Variants in LINGO2 observed in about 807,000 individuals in gnomAD.
The protein encoded by LINGO2 is leucine rich repeat and Ig domain containing 2.
A neutral mutation model predicts 30.6 loss-of-function variants in LINGO2; 14 were observed. The observed-to-expected ratio is 0.46, with a 90% CI of 0.30 to 0.72. The LOEUF is 0.72. Among genes scored for constraint, LINGO2 ranks in the 30% least tolerant of loss-of-function variants. The pLI is 0.07. For synonymous variants in LINGO2, 317 were observed against 288.5 expected (o/e 1.10, Z -1.00); for missense variants, 729 against 751.7 (o/e 0.97, Z 0.35).
chr9:28,370,347 T>C (rs1820845089), intron 3 of LINGO2, among the ~76,000 whole-genome samples: 1 of 152,146 alleles, frequency 6.6e-6, no homozygotes, highest in African/African-American at 2.4e-5. Flanking sequence ...TTCCAAAATA[T>C]ACACGCATGC....
chr9:28,088,655 C>A (rs1453387738), intron 4 of LINGO2, among the ~76,000 whole-genome samples: 1 of 152,072 alleles, frequency 6.6e-6, no homozygotes, highest in Non-Finnish European at 1.5e-5. Flanking sequence ...ACTGTATCAA[C>A]TAAAGAGCAA....
chr9:28,195,034 G>GATT (rs1819959669), intron 4 of LINGO2, among the ~76,000 whole-genome samples: 1 of 151,800 alleles, frequency 6.6e-6, no homozygotes, highest in South Asian at 2.1e-4. Flanking sequence ...AAACAAAAAG[G>GATT]ATTAGTAATA....
chr9:28,594,118 C>T (rs1431951738), intron 1 of LINGO2, among the ~76,000 whole-genome samples: 4 of 151,824 alleles, frequency 2.6e-5, no homozygotes, highest in Non-Finnish European at 5.9e-5. Flanking sequence ...AGTGAAATGG[C>T]GTTCGTGGGT....
the LINGO2 span, among the ~76,000 whole-genome samples, chr9:28,862,892 G>A: frequency 1.3e-5 from 2 of 152,030 alleles, no homozygotes; most frequent in African/African-American, 4.8e-5. Context: ...TCCATTCTTG[G>A]TAATCCTGAT....
At chr9:28,289,421 G>T (rs1823637749) in intron 4 of LINGO2, among the ~76,000 whole-genome samples, 1 of 152,136 alleles carries the variant, frequency 6.6e-6, no homozygotes, top group African/African-American at 2.4e-5. Flanking sequence ...ACTTTGAAGG[G>T]CTATGTGAGG....
chr9:29,113,761 A>G, the LINGO2 span, among the ~76,000 whole-genome samples: 1 of 152,204 alleles, frequency 6.6e-6, no homozygotes, highest in Admixed American at 6.5e-5. Context: ...TAGAATCCTG[A>G]AGGCAAAGCA....
At chr9:28,283,090 A>T (rs906999198) in intron 4 of LINGO2, among the ~76,000 whole-genome samples, 1 of 152,214 alleles carries the variant, frequency 6.6e-6, no homozygotes, top group African/African-American at 2.4e-5. Context: ...AGTGGTCCAC[A>T]GAACACACGC....
At chr9:29,038,267 T>C in the LINGO2 span, among the ~76,000 whole-genome samples, 1 of 152,082 alleles carries the variant, frequency 6.6e-6, no homozygotes, top group Non-Finnish European at 1.5e-5. Context: ...ATACTGTCTT[T>C]TAATTTTTAA....
the LINGO2 span, among the ~76,000 whole-genome samples, chr9:28,774,677 T>C: frequency 3.0e-4 from 46 of 152,112 alleles, no homozygotes; most frequent in African/African-American, 1.1e-3. Context: ...CACTTCTAAA[T>C]CCACAGGGAG....
At chr9:28,979,289 A>G in the LINGO2 span, among the ~76,000 whole-genome samples, 1 of 152,110 alleles carries the variant, frequency 6.6e-6, no homozygotes, top group Non-Finnish European at 1.5e-5. Flanking sequence ...CCATGATTAG[A>G]CAGTGACAGG....
At chr9:28,691,231 C>A in the LINGO2 span, among the ~76,000 whole-genome samples, 5 of 152,114 alleles carry the variant, frequency 3.3e-5, no homozygotes, top group Admixed American at 3.3e-4. Flanking sequence ...TGCCATTTTG[C>A]CAAAGTTTAA....
intron 2 of LINGO2, among the ~76,000 whole-genome samples, chr9:28,380,521 A>G (rs1821313393): frequency 6.6e-6 from 1 of 152,012 alleles, no homozygotes; most frequent in South Asian, 2.1e-4. Flanking sequence ...AGAAGAGTCA[A>G]GTTCAGTGAT....
the LINGO2 span, among the ~76,000 whole-genome samples, chr9:28,833,912 C>A: frequency 6.6e-6 from 1 of 152,160 alleles, no homozygotes; most frequent in Non-Finnish European, 1.5e-5. Context: ...CACTGGCTCT[C>A]CTTCTTTATA....
chr9:28,765,172 G>A, the LINGO2 span, among the ~76,000 whole-genome samples: 4 of 151,466 alleles, frequency 2.6e-5, no homozygotes, highest in East Asian at 5.8e-4. Flanking sequence ...ATCACAAAAG[G>A]CCCAAAACAA....
chr9:28,936,357 C>G, the LINGO2 span, among the ~76,000 whole-genome samples: 2 of 152,172 alleles, frequency 1.3e-5, no homozygotes, highest in East Asian at 1.9e-4. Context: ...TGAGCAGGAA[C>G]AGAAGGTCAC....
At chr9:28,300,230 T>A (rs1459704770) in intron 3 of LINGO2, among the ~76,000 whole-genome samples, 1 of 152,116 alleles carries the variant, frequency 6.6e-6, no homozygotes, top group Non-Finnish European at 1.5e-5. Context: ...AGTGTTTTGC[T>A]GATGAACATT....
At chr9:27,956,925 T>C (rs1330938773) in intron 5 of LINGO2, among the ~76,000 whole-genome samples, 2 of 151,886 alleles carry the variant, frequency 1.3e-5, no homozygotes, top group Non-Finnish European at 2.9e-5. Flanking sequence ...AGATCTCATA[T>C]CTACAAAAAT....
the LINGO2 span, among the ~76,000 whole-genome samples, chr9:28,715,182 C>G: frequency 7.2e-5 from 11 of 152,256 alleles, no homozygotes; most frequent in East Asian, 1.9e-3. Flanking sequence ...TGTTCACTGT[C>G]TATGAACATA....
chr9:28,432,020 C>T (rs914750770), intron 2 of LINGO2, among the ~76,000 whole-genome samples: 2 of 151,982 alleles, frequency 1.3e-5, no homozygotes, highest in Non-Finnish European at 2.9e-5. Context: ...ATTGTATGTA[C>T]ATCCAGATGA....
Sources: allele counts gnomAD v4.1 joint callset (sites outside exome capture counted in the v4.1 genomes callset), GRCh38; gene constraint gnomAD v4.1.1; transcripts MANE v1.5; gene names NCBI Gene and HGNC (gene_info 2026-07-23, HGNC 2026-07-21).